Variants in MNAT1 observed in about 807,000 individuals in gnomAD.
MNAT1 encodes CDK-activating kinase assembly factor MAT1.
MNAT1 carries 43 observed loss-of-function variants against 42.0 expected under a neutral mutation model. The ratio of observed to expected loss-of-function variants is 1.02; its 90% CI spans 0.80 to 1.32. The LOEUF is 1.32. Among genes scored for constraint, MNAT1 ranks in the 40% most tolerant of loss-of-function variants. The pLI is 0.00. For missense variants in MNAT1, 306 were observed against 350.4 expected (o/e 0.87, Z 1.01); for synonymous variants, 118 against 120.0 (o/e 0.98, Z 0.11).
intron 1 of MNAT1, among the ~76,000 whole-genome samples, chr14:60,759,509 G>A (rs181880969): frequency 6.6e-6 from 1 of 152,262 alleles, no homozygotes; most frequent in East Asian, 1.9e-4. Context: ...GCTAGATCTG[G>A]TAACATTTTG....
intron 6 of MNAT1, among the ~76,000 whole-genome samples, chr14:60,859,292 A>T (rs981214872): frequency 2.1e-4 from 32 of 152,168 alleles, no homozygotes; most frequent in African/African-American, 7.7e-4. Context: ...TGGCATGGGG[A>T]TTTAAAAATT....
At chr14:60,823,949 G>A (rs954371575) in intron 6 of MNAT1, among the ~76,000 whole-genome samples, 6 of 152,098 alleles carry the variant, frequency 3.9e-5, no homozygotes, top group African/African-American at 1.4e-4. Context: ...ACGAGATCAG[G>A]AGTTGAAGAC....
intron 6 of MNAT1, among the ~76,000 whole-genome samples, chr14:60,862,272 A>G (rs12587061): frequency 0.24 from 36,247 of 152,164 alleles, 4,614 homozygotes; most frequent in Middle Eastern, 0.33. Flanking sequence ...CTGTTAGCAC[A>G]TATGCTTTGT....
chr14:60,890,643 G>A (rs1399913332), intron 7 of MNAT1, among the ~76,000 whole-genome samples: 1 of 152,148 alleles, frequency 6.6e-6, no homozygotes, highest in Admixed American at 6.5e-5. Context: ...GCAAACCACT[G>A]GTTTAAGTCC....
chr14:60,921,247 C>T (rs2035653355), intron 7 of MNAT1, among the ~76,000 whole-genome samples: 2 of 151,894 alleles, frequency 1.3e-5, no homozygotes, highest in Admixed American at 1.3e-4. Flanking sequence ...TGTATTAAGA[C>T]ATGTTAGCGT....
chr14:60,910,054 G>A (rs886629991), intron 7 of MNAT1, among the ~76,000 whole-genome samples: 30 of 152,154 alleles, frequency 2.0e-4, no homozygotes, highest in African/African-American at 7.2e-4. Flanking sequence ...CTTGTAAGTT[G>A]GATTCCTAGG....
At chr14:60,782,807 G>A (rs1310603275) in intron 1 of MNAT1, among the ~76,000 whole-genome samples, 3 of 152,192 alleles carry the variant, frequency 2.0e-5, no homozygotes, top group Non-Finnish European at 4.4e-5. Context: ...CAGAGTCTGT[G>A]CCCTTAACCA....
chr14:60,851,527 A>G (rs1275142027), intron 6 of MNAT1, among the ~76,000 whole-genome samples: 1 of 152,006 alleles, frequency 6.6e-6, no homozygotes, highest in African/African-American at 2.4e-5. Context: ...CTTTTAAATT[A>G]TTATTATTAA....
intron 7 of MNAT1, among the ~76,000 whole-genome samples, chr14:60,947,617 A>G (rs1268661078): frequency 2.0e-5 from 3 of 152,200 alleles, no homozygotes; most frequent in Non-Finnish European, 4.4e-5. Flanking sequence ...CGGGAGGCAG[A>G]GGTTGCAGTA....
chr14:60,760,321 T>A (rs1201309010), intron 1 of MNAT1, among the ~76,000 whole-genome samples: 1 of 152,140 alleles, frequency 6.6e-6, no homozygotes, highest in African/African-American at 2.4e-5. Context: ...TTTTGATAGC[T>A]CTTTCTAATT....
chr14:60,916,129 T>C (rs1469161476), intron 7 of MNAT1, among the ~76,000 whole-genome samples: 1 of 152,232 alleles, frequency 6.6e-6, no homozygotes. Context: ...TAGCCTGATG[T>C]TGGCTCTATC....
chr14:60,772,595 C>CAA (rs369654270), intron 1 of MNAT1, among the ~76,000 whole-genome samples: 34 of 108,468 alleles, frequency 3.1e-4, no homozygotes, highest in East Asian at 5.2e-4. Flanking sequence ...CTCCCCATTT[C>CAA]AAAAAAAAAA....
At chr14:60,965,289 T>C (rs931532789) in intron 7 of MNAT1, among the ~76,000 whole-genome samples, 1 of 152,236 alleles carries the variant, frequency 6.6e-6, no homozygotes, top group African/African-American at 2.4e-5. Context: ...CAAGAAATAC[T>C]ATTTTCAAGC....
chr14:60,842,618 G>C (rs577948461), intron 6 of MNAT1, among the ~76,000 whole-genome samples: 1 of 152,298 alleles, frequency 6.6e-6, no homozygotes, highest in South Asian at 2.1e-4. Context: ...ATATGCAGGA[G>C]AAGCAGCAGA....
Position 60,960,357 on chromosome 14 carries a change from T to G in MNAT1, c.810-7872T>G, listed in dbSNP as rs948896279. Among the ~76,000 whole-genome samples, 13 of 152,350 alleles carry G rather than the reference T, an allele frequency of 8.5e-5. No individual in the cohort carries two copies. In the East Asian group the frequency reaches 2.5e-3, roughly 29 times the overall value. On this transcript the variant is annotated intron_variant, in intron 7 of 7. Transcript: ENST00000261245. ...CAGACCATTACACATTGTAGTTCTC[T>G]AGGCCTCTGCCTTAGGCCCTCCTCT...
chr14:60,904,266 A>G (rs923070050), intron 7 of MNAT1, among the ~76,000 whole-genome samples: 1 of 152,260 alleles, frequency 6.6e-6, no homozygotes, highest in African/African-American at 2.4e-5. Context: ...TGCAATATGC[A>G]TGTGTATATA....
At chr14:60,746,946 ACACAC>A in intron 1 of MNAT1, among the ~76,000 whole-genome samples, 1 of 42,466 alleles carries the variant, frequency 2.4e-5, no homozygotes, top group South Asian at 9.0e-4. Context: ...ACACACACAC[ACACAC>A]ACACACACAC....
At chr14:60,885,368 T>G (rs537000128) in intron 7 of MNAT1, among the ~76,000 whole-genome samples, 1 of 152,090 alleles carries the variant, frequency 6.6e-6, no homozygotes, top group South Asian at 2.1e-4. Context: ...TTAGGCATGC[T>G]TCATTGTTTT....
intron 3 of MNAT1, chr14:60,799,335 A>G: frequency 1.0e-6 from 1 of 985,396 alleles, no homozygotes; most frequent in Middle Eastern, 5.2e-4. Context: ...AAAAGTTAGA[A>G]TGTAGACTGA....
Sources: gnomAD v4.1 joint callset for allele counts (sites outside exome capture counted in the v4.1 genomes callset) on GRCh38, gnomAD v4.1.1 for gene constraint, MANE v1.5 for transcripts, NCBI Gene and HGNC (gene_info 2026-07-23, HGNC 2026-07-21) for gene names.